Variants in FNBP1 observed in about 807,000 individuals in gnomAD.
FNBP1 encodes the protein formin-binding protein 1.
A neutral mutation model predicts 90.6 loss-of-function variants in FNBP1; 26 were observed. That is an observed-to-expected ratio of 0.29 (90% CI 0.21 to 0.40). FNBP1 has a LOEUF of 0.40. FNBP1 is among the 10% of genes least tolerant of loss of function. The probability of loss-of-function intolerance (pLI) is 1.00; values close to 1 mark genes in which losing one functional copy is unlikely to be tolerated. For synonymous variants in FNBP1, 260 were observed against 265.2 expected (o/e 0.98, Z 0.19); for missense variants, 635 against 768.0 (o/e 0.83, Z 2.05).
At chr9:129,913,546 G>C (rs1009443583) in intron 11 of FNBP1, among the ~76,000 whole-genome samples, 11 of 152,124 alleles carry the variant, frequency 7.2e-5, no homozygotes, top group Admixed American at 2.0e-4. Flanking sequence ...TGAGGTGGGC[G>C]GATCACCTGA....
chr9:129,971,807 C>A (rs541059588), intron 4 of FNBP1, among the ~76,000 whole-genome samples: 14 of 152,218 alleles, frequency 9.2e-5, no homozygotes, highest in African/African-American at 3.1e-4. Context: ...TTTTTCATCA[C>A]GCTTACCCTT....
chr9:130,002,510 C>A (rs2055017555), intron 1 of FNBP1, among the ~76,000 whole-genome samples: 1 of 152,140 alleles, frequency 6.6e-6, no homozygotes, highest in Non-Finnish European at 1.5e-5. Flanking sequence ...GAGCCCAGCA[C>A]CTCCCCCCTC....
chr9:130,029,274 G>C lies in FNBP1; in HGVS notation c.24+13678C>G, dbSNP rs2058608086. Among the ~76,000 whole-genome samples the C allele has an allele frequency of 2.0e-5, 3 of 151,926 alleles. No individual in the cohort carries two copies. The South Asian group carries it at 6.2e-4, about 32-fold the overall frequency. On this transcript the variant is annotated intron_variant, in intron 1 of 16. Coordinates refer to ENST00000446176, the MANE Select transcript of FNBP1 (RefSeq NM_015033.3). ...GAGCTCAAGCGATCCTCCCAACTCA[G>C]CCACCTCTGGCTAATTTTTTGTAGA...
intron 1 of FNBP1, among the ~76,000 whole-genome samples, chr9:130,018,525 G>A (rs1022192434): frequency 7.2e-5 from 11 of 151,962 alleles, no homozygotes; most frequent in African/African-American, 2.7e-4. Context: ...GACCAATAGT[G>A]CTGTAAATTT....
chr9:129,890,522 C>A lies in FNBP1; in HGVS notation c.*17G>T. On this transcript the variant is annotated 3_prime_UTR_variant, in exon 17 of 17. Coordinates refer to ENST00000446176, the MANE Select transcript of FNBP1 (RefSeq NM_015033.3). The surrounding 1 kb of genome is among the most constrained non-coding windows in gnomAD (Gnocchi z 5.8). ...CTCCTCCAGGAAGGCTCACCCGAGG[C>A]TCGCAGGCACTCCCCTCTAGGAATC... 6.3e-7 allele frequency: 1 copy of A among 1,584,102 alleles called. No individual in the cohort carries two copies. Among genetic ancestry groups the A allele is most frequent in the East Asian group, 2.3e-5 (1 of 43,080 alleles).
At chr9:129,922,335 T>C (rs2041237059) in intron 10 of FNBP1, among the ~76,000 whole-genome samples, 1 of 152,228 alleles carries the variant, frequency 6.6e-6, no homozygotes, top group African/African-American at 2.4e-5. Context: ...TCAATCTTAA[T>C]GAGGACAGCG....
In FNBP1 at chr9:129,981,379, C is replaced by T. The variant is rs536214132; in HGVS notation, c.141-2005G>A. Among the ~76,000 whole-genome samples, 41 of 152,216 alleles carry T rather than the reference C, an allele frequency of 2.7e-4. No individual in the cohort carries two copies. In the South Asian group the frequency reaches 5.6e-3, roughly 21 times the overall value. The stretch of plus-strand genomic sequence containing the variant: ...GCCACTGCACCCGGCCAAGAAATAG[C>T]GAGAGCATGCTGAGCAGTAATCCAC... On this transcript the variant is annotated intron_variant, in intron 2 of 16. Coordinates refer to ENST00000446176, the MANE Select transcript of FNBP1 (RefSeq NM_015033.3).
At chr9:130,044,186 C>T (rs2060030472), upstream of FNBP1, among the ~76,000 whole-genome samples, 1 of 152,216 alleles carries the variant, frequency 6.6e-6, no homozygotes, top group Non-Finnish European at 1.5e-5. Flanking sequence ...ATCTTTCTCC[C>T]TCGGTTAATG....
chr9:129,980,605 G>A (rs992851118), intron 2 of FNBP1, among the ~76,000 whole-genome samples: 5 of 147,128 alleles, frequency 3.4e-5, no homozygotes, highest in Non-Finnish European at 5.9e-5. Flanking sequence ...TCATCTCCAT[G>A]TTAAGAATCT....
chr9:129,987,698 A>T (rs1210877691), intron 2 of FNBP1, among the ~76,000 whole-genome samples: 1 of 151,840 alleles, frequency 6.6e-6, no homozygotes, highest in Non-Finnish European at 1.5e-5. Context: ...ACGGGGTTTC[A>T]CCATGTTGGC....
At chr9:129,961,035 G>A (rs1185405104) in intron 4 of FNBP1, among the ~76,000 whole-genome samples, 5 of 151,990 alleles carry the variant, frequency 3.3e-5, no homozygotes, top group Admixed American at 2.0e-4. Context: ...GAGACTAGCC[G>A]AGCGTGGTGG....
intron 1 of FNBP1, among the ~76,000 whole-genome samples, chr9:130,018,553 GTATTTATT>G (rs375132451): frequency 8.6e-5 from 13 of 151,542 alleles, no homozygotes; most frequent in South Asian, 2.1e-4. Context: ...ACTCATTTGG[GTATTTATT>G]TATTTATTTA....
the FNBP1 span, among the ~76,000 whole-genome samples, chr9:130,048,934 C>A: frequency 6.6e-6 from 1 of 150,650 alleles, no homozygotes; most frequent in African/African-American, 2.4e-5. Context: ...GCGCCCGCCA[C>A]CATGCCTGGC....
chr9:129,895,627 G>A (rs1257941539), intron 16 of FNBP1: 2 of 1,238,186 alleles, frequency 1.6e-6, no homozygotes, highest in African/African-American at 1.6e-5. Context: ...AATTTCATCA[G>A]CAAGTGAAAC....
At chr9:130,028,945 C>T (rs565050433) in intron 1 of FNBP1, among the ~76,000 whole-genome samples, 115 of 152,242 alleles carry the variant, frequency 7.6e-4, no homozygotes, top group Middle Eastern at 6.8e-3. Flanking sequence ...TGTAAAATGT[C>T]CAGCACTACA....
chr9:129,958,815 T>C (rs2047335743), intron 4 of FNBP1, among the ~76,000 whole-genome samples: 1 of 150,286 alleles, frequency 6.7e-6, no homozygotes. Flanking sequence ...CCCCCCACTC[T>C]ACAAAAAAAT....
chr9:129,920,806 A>C (rs2040968911), intron 10 of FNBP1, among the ~76,000 whole-genome samples: 1 of 152,236 alleles, frequency 6.6e-6, no homozygotes, highest in South Asian at 2.1e-4. Context: ...AAAAAAATAC[A>C]GAGATAATAT....
chr9:130,019,141 C>T (rs1305161034), intron 1 of FNBP1, among the ~76,000 whole-genome samples: 4 of 151,820 alleles, frequency 2.6e-5, no homozygotes, highest in Non-Finnish European at 5.9e-5. Context: ...GTGGGAGGAT[C>T]GCTTGAGTCT....
chr9:130,013,988 T>C (rs1564575910), intron 1 of FNBP1: 1 of 456,056 alleles, frequency 2.2e-6, no homozygotes, highest in African/African-American at 2.0e-5. Flanking sequence ...GGTTGTGGTA[T>C]TCTGCTATAG....
Sources: allele counts gnomAD v4.1 joint callset (sites outside exome capture counted in the v4.1 genomes callset), GRCh38; gene constraint gnomAD v4.1.1; non-coding constraint Gnocchi (gnomAD v3.1); transcripts MANE v1.5; gene names NCBI Gene and HGNC (gene_info 2026-07-23, HGNC 2026-07-21).